The following DLGAP2 variants were observed in gnomAD, a reference collection of about 807,000 sequenced individuals.
The protein encoded by DLGAP2 is DLG associated protein 2.
Under a neutral mutation model 100.3 loss-of-function variants are expected in DLGAP2, and 26 were observed. The ratio of observed to expected loss-of-function variants is 0.26; its 90% confidence interval spans 0.19 to 0.36. The LOEUF is 0.36. Ranked by LOEUF, DLGAP2 falls within the 10% of genes least tolerant of loss-of-function variation. DLGAP2 has a pLI of 1.00. For synonymous variants in DLGAP2, 886 were observed against 630.1 expected (o/e 1.41, Z -6.08); for missense variants, 1,858 against 1,453.2 (o/e 1.28, Z -4.53).
chr8:1,638,280 A>C (rs887815135), intron 8 of DLGAP2, among the ~76,000 whole-genome samples: 5 of 152,176 alleles, frequency 3.3e-5, no homozygotes, highest in African/African-American at 1.2e-4. Flanking sequence ...GAATGAGGTC[A>C]CAGGGGGCCC....
chr8:1,055,741 C>T (rs1211993879), intron 2 of DLGAP2, among the ~76,000 whole-genome samples: 1 of 152,230 alleles, frequency 6.6e-6, no homozygotes, highest in Non-Finnish European at 1.5e-5. Flanking sequence ...CGGCAGCCAG[C>T]ACCGTTGCCA....
At chr8:1,318,329 C>T (rs1309290130) in intron 3 of DLGAP2, among the ~76,000 whole-genome samples, 2 of 152,062 alleles carry the variant, frequency 1.3e-5, no homozygotes, top group African/African-American at 4.8e-5. Flanking sequence ...TTTATCAGTT[C>T]AGCTTTACTT....
chr8:1,579,219 TAAAGAAA>T (rs1803123304), intron 6 of DLGAP2, among the ~76,000 whole-genome samples: 1 of 152,080 alleles, frequency 6.6e-6, no homozygotes, highest in South Asian at 2.1e-4. Context: ...TTTAAATTTA[TAAAGAAA>T]AAAGAGCTTA....
chr8:1,061,824 A>G (rs1394710357), intron 2 of DLGAP2, among the ~76,000 whole-genome samples: 5 of 151,830 alleles, frequency 3.3e-5, no homozygotes, highest in Non-Finnish European at 7.4e-5. Flanking sequence ...CTTTTCAGAC[A>G]CCAGGGAGCA....
chr8:1,336,521 C>T (rs1801278917), intron 3 of DLGAP2, among the ~76,000 whole-genome samples: 1 of 152,186 alleles, frequency 6.6e-6, no homozygotes, highest in African/African-American at 2.4e-5. Context: ...CAACTCTGTG[C>T]CGGAAGCCTT....
chr8:1,047,502 A>T (rs1399273006), intron 2 of DLGAP2, among the ~76,000 whole-genome samples: 1 of 152,194 alleles, frequency 6.6e-6, no homozygotes, highest in Non-Finnish European at 1.5e-5. Context: ...GAGTCTCCTC[A>T]CATCTTAGTG....
chr8:1,343,613 C>T (rs1361181074), intron 3 of DLGAP2, among the ~76,000 whole-genome samples: 2 of 152,224 alleles, frequency 1.3e-5, no homozygotes, highest in Admixed American at 6.5e-5. Context: ...TAACCCTTTA[C>T]TGCATGCCAA....
chr8:1,073,037 T>C (rs1320717495), intron 2 of DLGAP2, among the ~76,000 whole-genome samples: 1 of 152,240 alleles, frequency 6.6e-6, no homozygotes, highest in East Asian at 1.9e-4. Flanking sequence ...TCTGATCTTA[T>C]GTTGTCACAA....
intron 3 of DLGAP2, among the ~76,000 whole-genome samples, chr8:1,500,138 C>T (rs773131031): frequency 7.9e-5 from 12 of 152,362 alleles, no homozygotes; most frequent in Middle Eastern, 3.4e-3. Context: ...GATGTGTGTA[C>T]GCACATGTGT....
At chr8:1,273,793 C>G (rs904852845) in intron 3 of DLGAP2, among the ~76,000 whole-genome samples, 13 of 152,182 alleles carry the variant, frequency 8.5e-5, no homozygotes, top group Non-Finnish European at 7.3e-5. Flanking sequence ...TCCCAGGGAG[C>G]TAAGTGGGAT....
intron 3 of DLGAP2, among the ~76,000 whole-genome samples, chr8:1,431,520 G>C (rs1563143226): frequency 6.6e-6 from 1 of 152,236 alleles, no homozygotes; most frequent in Non-Finnish European, 1.5e-5. Flanking sequence ...GAAAGGAAGA[G>C]GCAGCCAGCT....
At chr8:1,670,341 G>A (rs915937998) in intron 10 of DLGAP2, among the ~76,000 whole-genome samples, 1 of 152,180 alleles carries the variant, frequency 6.6e-6, no homozygotes, top group Non-Finnish European at 1.5e-5. Flanking sequence ...ACACCCCTCC[G>A]TGGTCAGCCC....
chr8:1,525,687 G>A (rs1033941237), intron 4 of DLGAP2, among the ~76,000 whole-genome samples: 3 of 152,258 alleles, frequency 2.0e-5, no homozygotes, highest in Non-Finnish European at 4.4e-5. Flanking sequence ...TCTCACCTCT[G>A]CTTATACAGT....
chr8:1,087,055 T>C (rs1283492204), intron 2 of DLGAP2, among the ~76,000 whole-genome samples: 2 of 152,192 alleles, frequency 1.3e-5, no homozygotes, highest in African/African-American at 4.8e-5. Context: ...ATATCAAGTA[T>C]CTTTTCTGAC....
At chr8:1,482,689 C>T (rs563434117) in intron 3 of DLGAP2, among the ~76,000 whole-genome samples, 5 of 152,324 alleles carry the variant, frequency 3.3e-5, no homozygotes, top group South Asian at 4.1e-4. Flanking sequence ...ACGGCCGCCC[C>T]GGCCAGCCTC....
Position 1,548,612 on chromosome 8 carries a change from C to T in DLGAP2, c.173-14C>T, listed in dbSNP as rs1801633242. ...CGCTTCCGGGTGTTCAATGCCGTTT[C>T]TGTTTCCCCACAGACCCGCAGTACT... On this transcript the variant is annotated splice_polypyrimidine_tract_variant and intron_variant, in intron 4 of 14. Coordinates refer to ENST00000637795, the MANE Select transcript of DLGAP2 (RefSeq NM_001346810.2). 6.7e-7 allele frequency: 1 copy of T among 1,483,802 alleles called. No individual in the cohort carries two copies. Among genetic ancestry groups the T allele is most frequent in the African/African-American group, 1.4e-5 (1 of 70,738 alleles). The allele number at this position is 1,483,802 out of a possible 1,614,324, so 91.9% of individuals were successfully genotyped here. A position where few individuals can be genotyped will look rare whatever the true frequency, so the allele number is the denominator to read the frequency against.
At chr8:875,679 A>G (rs1797676565) in intron 1 of DLGAP2, among the ~76,000 whole-genome samples, 1 of 152,174 alleles carries the variant, frequency 6.6e-6, no homozygotes, top group Admixed American at 6.5e-5. Flanking sequence ...ATGAACTAAT[A>G]TAGTCTCATA....
rs891568216 is a variant in DLGAP2 at position 1,704,797 on chromosome 8, A to G, written c.*3391A>G. On this transcript the variant is annotated 3_prime_UTR_variant, in exon 15 of 15. Coordinates refer to ENST00000637795, the MANE Select transcript of DLGAP2 (RefSeq NM_001346810.2). ...AGAAAAAAAAAAAGCCTACAAACTCAGTGACCTACTACGCAGAGGGAATTT... is the reference window on the plus strand; with the variant it reads ...AGAAAAAAAAAAAGCCTACAAACTCGGTGACCTACTACGCAGAGGGAATTT... 3 of 151,796 alleles carry G rather than the reference A, an allele frequency of 2.0e-5. No homozygotes were observed. Among genetic ancestry groups the G allele is most frequent in the African/African-American group, 7.3e-5 (3 of 41,362 alleles). The allele number at this position is 151,796 out of a possible 1,614,324, so 9.4% of individuals were successfully genotyped here. A position where few individuals can be genotyped will look rare whatever the true frequency, so the allele number is the denominator to read the frequency against.
intron 2 of DLGAP2, among the ~76,000 whole-genome samples, chr8:944,523 G>C (rs1009397546): frequency 3.3e-5 from 5 of 151,998 alleles, no homozygotes; most frequent in Admixed American, 1.3e-4. Context: ...GTCCATGTGG[G>C]TGATCCAGTG....
Sources: gnomAD v4.1 joint callset for allele counts (sites outside exome capture counted in the v4.1 genomes callset) on GRCh38, gnomAD v4.1.1 for gene constraint, MANE v1.5 for transcripts, NCBI Gene and HGNC (gene_info 2026-07-23, HGNC 2026-07-21) for gene names.